The following SLC13A5 variants were observed in gnomAD, a reference collection of about 807,000 sequenced individuals.
The protein encoded by SLC13A5 is Na(+)/citrate cotransporter.
A neutral mutation model predicts 56.5 loss-of-function variants in SLC13A5; 25 were observed. The observed-to-expected ratio is 0.44, with a 90% CI of 0.32 to 0.62. The LOEUF is 0.62. Among genes scored for constraint, SLC13A5 ranks in the 20% least tolerant of loss-of-function variants. The pLI, the probability that SLC13A5 is intolerant of heterozygous loss-of-function variation, is 0.04. For missense variants in SLC13A5, 649 were observed against 737.8 expected, an observed-to-expected ratio of 0.88 and a Z score of 1.39; for synonymous variants, 307 against 301.5, an observed-to-expected ratio of 1.02 and a Z score of -0.19.
At chr17:6,706,888 G>C (rs544668100) in intron 2 of SLC13A5, 110 bp from the exon 3 acceptor site, 4 of 1,559,516 alleles carry the variant, frequency 2.6e-6, no homozygotes, top group Admixed American at 1.8e-5. Context: ...ATGCAGGCTC[G>C]AGTGGTGTCT....
intron 1 of SLC13A5, among the ~76,000 whole-genome samples, chr17:6,707,775 G>T (rs968378001): frequency 2.6e-5 from 4 of 152,140 alleles, no homozygotes; most frequent in Admixed American, 2.0e-4. Context: ...TATATAGCGT[G>T]GTCGAATGGA....
At chr17:6,694,855 C>T (rs1385217291) in intron 7 of SLC13A5, among the ~76,000 whole-genome samples, 1 of 152,182 alleles carries the variant, frequency 6.6e-6, no homozygotes, top group Non-Finnish European at 1.5e-5. Context: ...AACGAAATGG[C>T]CATCATACCA....
chr17:6,693,990 T>C, intron 8 of SLC13A5, 107 bp downstream of exon 8: 1 of 565,378 alleles, frequency 1.8e-6, no homozygotes, highest in Non-Finnish European at 2.9e-6. Context: ...CCAATCCTCT[T>C]GGATATGATG....
At chr17:6,697,957 G>A (rs1264916090) in intron 6 of SLC13A5, among the ~76,000 whole-genome samples, 1 of 152,210 alleles carries the variant, frequency 6.6e-6, no homozygotes, top group Non-Finnish European at 1.5e-5. Context: ...CAGTGGAGCT[G>A]CCTCCTGCCG....
chr17:6,708,930 C>T lies in SLC13A5; in HGVS notation c.103-1774G>A, dbSNP rs941018164. ...TGGACATGAGGGTAATGTGCACGCT[C>T]CACACAGACAGTGGCCCCAGCCAGT... On this transcript the variant is annotated intron_variant, in intron 1 of 11. Transcript: ENST00000433363. Among the ~76,000 whole-genome samples, 75 of 152,120 alleles carry T rather than the reference C, an allele frequency of 4.9e-4. 2 individuals carry two copies. Among genetic ancestry groups the T allele is most frequent in the Non-Finnish European group, 1.8e-4 (12 of 68,024 alleles).
At chr17:6,700,621 C>G (rs1375823390) in intron 6 of SLC13A5, among the ~76,000 whole-genome samples, 1 of 152,148 alleles carries the variant, frequency 6.6e-6, no homozygotes, top group Non-Finnish European at 1.5e-5. Flanking sequence ...TGCCCAGCAT[C>G]AGAGTGGTTC....
chr17:6,690,748 A>G (rs1465560193), intron 10 of SLC13A5, 31 bp downstream of exon 10: 1 of 1,614,072 alleles, frequency 6.2e-7, no homozygotes, highest in Non-Finnish European at 8.5e-7. Flanking sequence ...TGTGAAATGG[A>G]AGGGCTCCTC....
intron 8 of SLC13A5, among the ~76,000 whole-genome samples, chr17:6,693,883 CAA>C (rs1472831794): frequency 6.6e-6 from 1 of 152,194 alleles, no homozygotes; most frequent in Non-Finnish European, 1.5e-5. Context: ...AATAAAATTT[CAA>C]ATGTTAAATT....
At chr17:6,698,624 C>T (rs1388999906) in intron 6 of SLC13A5, among the ~76,000 whole-genome samples, 1 of 152,228 alleles carries the variant, frequency 6.6e-6, no homozygotes, top group African/African-American at 2.4e-5. Flanking sequence ...CCCCTACTTC[C>T]CTGTTACAAA....
intron 6 of SLC13A5, among the ~76,000 whole-genome samples, chr17:6,699,539 T>C (rs1411560856): frequency 6.6e-6 from 1 of 152,172 alleles, no homozygotes; most frequent in Non-Finnish European, 1.5e-5. Context: ...GGCATGATCT[T>C]GGCTTACTGC....
chr17:6,700,453 C>T (rs944568734), intron 6 of SLC13A5, among the ~76,000 whole-genome samples: 1 of 152,236 alleles, frequency 6.6e-6, no homozygotes, highest in Non-Finnish European at 1.5e-5. Flanking sequence ...GCGCTCAGCT[C>T]AGAGCTAAGT....
intron 3 of SLC13A5, among the ~76,000 whole-genome samples, chr17:6,706,246 T>A (rs899872891): frequency 6.6e-6 from 1 of 152,122 alleles, no homozygotes; most frequent in Non-Finnish European, 1.5e-5. Flanking sequence ...AGAGAGGACC[T>A]TTCTGCTTCC....
intron 3 of SLC13A5, 44 bp from the exon 4 acceptor site, chr17:6,704,100 C>G (rs1447875694): frequency 6.4e-7 from 1 of 1,572,464 alleles, no homozygotes; most frequent in Non-Finnish European, 8.6e-7. Context: ...ATCCCCACCC[C>G]ACCCCCGTAC....
Position 6,687,429 on chromosome 17 carries a change from C to A in SLC13A5, c.1575+100G>T. 1.3e-6 allele frequency: 2 copies of A among 1,536,428 alleles called. No homozygotes were observed. Among genetic ancestry groups the A allele is most frequent in the South Asian group, 2.3e-5 (2 of 85,574 alleles). On this transcript the variant is annotated intron_variant, in intron 11 of 11. Transcript: ENST00000433363. This position sits in a 1 kb window ranked among gnomAD's most constrained non-coding sequence, Gnocchi z 5.0. The stretch of plus-strand genomic sequence containing the variant: ...TGGATGTTCCGTGGCATTCCCAAGT[C>A]ACATGACATCGTTTTGAAACTCTGT...
intron 6 of SLC13A5, among the ~76,000 whole-genome samples, chr17:6,698,763 C>T (rs563122136): frequency 3.9e-5 from 6 of 152,242 alleles, no homozygotes; most frequent in Admixed American, 2.6e-4. Context: ...TTGGGCCAGG[C>T]GAGGTGGCTC....
intron 6 of SLC13A5, 46 bp downstream of exon 6, chr17:6,700,958 T>G (rs1973695102): frequency 6.2e-7 from 1 of 1,611,042 alleles, no homozygotes; most frequent in Non-Finnish European, 8.5e-7. Flanking sequence ...TCTGCAGCTT[T>G]GAGGCATAAT....
rs575678559 is a variant in SLC13A5 at position 6,685,885 on chromosome 17, G to A, written c.*322C>T. 1.5e-5 allele frequency: 5 copies of A among 332,734 alleles called. No homozygotes were observed. Among genetic ancestry groups the A allele is most frequent in the African/African-American group, 1.0e-4 (5 of 48,184 alleles). The allele number at this position is 332,734 out of a possible 1,614,324, so 20.6% of individuals were successfully genotyped here. A position where few individuals can be genotyped will look rare whatever the true frequency, so the allele number is the denominator to read the frequency against. On this transcript the variant is annotated 3_prime_UTR_variant, in exon 12 of 12. Coordinates refer to ENST00000433363, the MANE Select transcript of SLC13A5 (RefSeq NM_177550.5). This position sits in a 1 kb window ranked among gnomAD's most constrained non-coding sequence, Gnocchi z 4.2. ...AGAGCCCTGTGTGGGGGATGCTTGA[G>A]GCAGAGCGGGTACAGCAGCCTGCAT...
chr17:6,699,292 T>G (rs1055137675), intron 6 of SLC13A5, among the ~76,000 whole-genome samples: 4 of 152,034 alleles, frequency 2.6e-5, no homozygotes, highest in African/African-American at 9.6e-5. Context: ...TTGGCCCTGG[T>G]GCAGATTCAA....
chr17:6,693,348 C>T, intron 8 of SLC13A5, 186 bp from the exon 9 acceptor site: 1 of 546,074 alleles, frequency 1.8e-6, no homozygotes, highest in South Asian at 2.4e-5. Context: ...ATATACATTG[C>T]TGGTGAGGAT....
Sources: allele counts gnomAD v4.1 joint callset (sites outside exome capture counted in the v4.1 genomes callset), GRCh38; gene constraint gnomAD v4.1.1; non-coding constraint Gnocchi (gnomAD v3.1); transcripts MANE v1.5; gene names NCBI Gene and HGNC (gene_info 2026-07-23, HGNC 2026-07-21).